The following PCSK5 variants were observed in gnomAD, a reference collection of about 807,000 sequenced individuals.
The protein encoded by PCSK5 is proprotein convertase subtilisin/kexin type 5, also known as prohormone convertase 5.
PCSK5 carries 129 observed loss-of-function variants against 233.2 expected under a neutral mutation model. The observed-to-expected ratio is 0.55, with a 90% CI of 0.48 to 0.64. The LOEUF (loss-of-function observed/expected upper bound fraction) is 0.64, where lower values mean the gene tolerates loss of function less well. PCSK5 is among the 30% of genes least tolerant of loss of function. PCSK5 has a pLI of 0.00. For missense variants in PCSK5, 2,076 were observed against 2,430.1 expected (o/e 0.85, Z 3.06); for synonymous variants, 825 against 879.2 (o/e 0.94, Z 1.09).
intron 35 of PCSK5, among the ~76,000 whole-genome samples, chr9:76,343,539 G>A (rs936527772): frequency 3.9e-5 from 6 of 152,012 alleles, no homozygotes; most frequent in Middle Eastern, 3.4e-3. Context: ...TGCGTATGAG[G>A]CCCTTCAGCA....
intron 12 of PCSK5, among the ~76,000 whole-genome samples, chr9:76,165,923 A>C (rs200268594): frequency 1.9e-5 from 2 of 104,112 alleles, no homozygotes; most frequent in Non-Finnish European, 4.7e-5. Context: ...TCGACACTTG[A>C]TTGTCTTAAG....
At chr9:76,007,025 T>C (rs1424431353) in intron 3 of PCSK5, among the ~76,000 whole-genome samples, 1 of 152,196 alleles carries the variant, frequency 6.6e-6, no homozygotes, top group Non-Finnish European at 1.5e-5. Context: ...TATGTTGCTT[T>C]TTTGTTCTCT....
chr9:76,053,051 C>T (rs974475433), intron 5 of PCSK5, among the ~76,000 whole-genome samples: 1 of 152,234 alleles, frequency 6.6e-6, no homozygotes, highest in African/African-American at 2.4e-5. Context: ...CAGTTCCGCC[C>T]CTGTGGCTTT....
intron 34 of PCSK5, among the ~76,000 whole-genome samples, chr9:76,337,840 TAA>T (rs71372066): frequency 2.0e-5 from 3 of 148,170 alleles, no homozygotes; most frequent in African/African-American, 2.5e-5. Flanking sequence ...ATCTCTGTTT[TAA>T]AAAAAAAAAA....
intron 30 of PCSK5, 75 bp from the exon 31 acceptor site, chr9:76,321,347 A>C (rs1315756344): frequency 2.5e-6 from 2 of 803,318 alleles, no homozygotes; most frequent in African/African-American, 1.7e-5. Context: ...TTTAGACCTA[A>C]TTCCTTTTCC....
intron 7 of PCSK5, among the ~76,000 whole-genome samples, chr9:76,073,036 G>T (rs541772864): frequency 5.3e-5 from 8 of 152,266 alleles, no homozygotes; most frequent in Admixed American, 2.6e-4. Context: ...CATCTTCATG[G>T]GCTTTGCAAA....
chr9:76,325,113 G>A (rs185163484), intron 32 of PCSK5, among the ~76,000 whole-genome samples: 28 of 152,230 alleles, frequency 1.8e-4, no homozygotes, highest in Admixed American at 1.2e-3. Flanking sequence ...GTGAAAAGGC[G>A]TGGATGTCAA....
chr9:76,091,400 T>C (rs1831282750), intron 7 of PCSK5, among the ~76,000 whole-genome samples: 1 of 152,126 alleles, frequency 6.6e-6, no homozygotes, highest in Non-Finnish European at 1.5e-5. Context: ...ACCAGTCCTG[T>C]GCGGCCCCAC....
intron 7 of PCSK5, among the ~76,000 whole-genome samples, chr9:76,075,188 C>T (rs1467070661): frequency 6.6e-6 from 1 of 152,048 alleles, no homozygotes; most frequent in Non-Finnish European, 1.5e-5. Flanking sequence ...CCACTGCATT[C>T]CAGCCTGGGC....
chr9:76,286,637 A>C (rs1828080395), intron 24 of PCSK5: 1 of 156,636 alleles, frequency 6.4e-6, no homozygotes, highest in Non-Finnish European at 1.4e-5. Flanking sequence ...AGGTAGGGGC[A>C]GAGCAATAGC....
intron 34 of PCSK5, among the ~76,000 whole-genome samples, chr9:76,333,508 G>A (rs962215090): frequency 6.6e-6 from 1 of 152,200 alleles, no homozygotes; most frequent in African/African-American, 2.4e-5. Context: ...CGCACTTGAT[G>A]TATCCTTCTA....
chr9:76,105,018 A>C (rs1237672959), intron 8 of PCSK5, among the ~76,000 whole-genome samples: 2 of 152,194 alleles, frequency 1.3e-5, no homozygotes, highest in African/African-American at 4.8e-5. Context: ...TTAACAATCC[A>C]GCAATTCCTC....
chr9:76,280,490 C>A (rs1827830918), intron 24 of PCSK5, among the ~76,000 whole-genome samples: 1 of 152,052 alleles, frequency 6.6e-6, no homozygotes, highest in South Asian at 2.1e-4. Context: ...ACCTATAATC[C>A]CAGCACTTTG....
At chr9:76,344,141 G>A (rs1342796895) in intron 35 of PCSK5, among the ~76,000 whole-genome samples, 1 of 152,194 alleles carries the variant, frequency 6.6e-6, no homozygotes, top group Admixed American at 6.5e-5. Context: ...GTGGCTACCT[G>A]TGGCTAGTGG....
intron 5 of PCSK5, among the ~76,000 whole-genome samples, chr9:76,064,187 A>AC (rs1189161338): frequency 5.7e-5 from 5 of 88,450 alleles, no homozygotes; most frequent in African/African-American, 2.3e-4. Flanking sequence ...CGGGGGGCTG[A>AC]CCCCCCCACC....
chr9:76,329,459 C>T (rs1217501444), intron 33 of PCSK5, among the ~76,000 whole-genome samples: 1 of 152,136 alleles, frequency 6.6e-6, no homozygotes, highest in African/African-American at 2.4e-5. Flanking sequence ...TATGCCAGGC[C>T]CTTCCATGTC....
At chr9:76,157,240 T>G in intron 11 of PCSK5, 78 bp downstream of exon 11, 1 of 893,180 alleles carries the variant, frequency 1.1e-6, no homozygotes, top group South Asian at 1.4e-5. Context: ...GACAGCCTCT[T>G]GTTGCACACA....
At chr9:75,891,531 G>GCATA (rs1041503041) in intron 1 of PCSK5, among the ~76,000 whole-genome samples, 158 bp downstream of exon 1, 27 of 148,794 alleles carry the variant, frequency 1.8e-4, no homozygotes, top group African/African-American at 6.7e-4. Context: ...GCGCGCGTAC[G>GCATA]CACACACACA....
intron 9 of PCSK5, among the ~76,000 whole-genome samples, chr9:76,128,524 G>A (rs1191499042): frequency 6.6e-6 from 1 of 152,128 alleles, no homozygotes; most frequent in Non-Finnish European, 1.5e-5. Context: ...CATAGGGGCT[G>A]CAAAAAACAT....
Sources: allele counts gnomAD v4.1 joint callset (sites outside exome capture counted in the v4.1 genomes callset), GRCh38; gene constraint gnomAD v4.1.1; transcripts MANE v1.5; gene names NCBI Gene and HGNC (gene_info 2026-07-23, HGNC 2026-07-21).